AGFG2: variants seen among roughly 807,000 people sequenced by gnomAD.
AGFG2 encodes the protein arf-GAP domain and FG repeat-containing protein 2.
Under a neutral mutation model 48.0 loss-of-function variants are expected in AGFG2, and 31 were observed. The observed-to-expected ratio is 0.65, with a 90% CI of 0.49 to 0.87. The LOEUF is 0.87. AGFG2 is among the 40% of genes least tolerant of loss of function. The pLI is 0.00. For synonymous variants in AGFG2, 229 were observed against 260.8 expected, an observed-to-expected ratio of 0.88 and a Z score of 1.18; for missense variants, 599 against 632.6, an observed-to-expected ratio of 0.95 and a Z score of 0.57.
intron 3 of AGFG2, 141 bp from the exon 4 acceptor site, chr7:100,553,206 T>C (rs1800683946): frequency 1.8e-6 from 2 of 1,084,484 alleles, no homozygotes; most frequent in African/African-American, 1.6e-5. Context: ...CTTTGCTAAG[T>C]TGCTCGGTTC....
intron 6 of AGFG2, among the ~76,000 whole-genome samples, chr7:100,561,566 CT>C (rs1339755785): frequency 6.6e-6 from 1 of 152,260 alleles, no homozygotes; most frequent in Non-Finnish European, 1.5e-5. Flanking sequence ...GCCTCTTCCC[CT>C]GAGACAAGAT....
At chr7:100,540,947 G>A (rs1353192665) in intron 1 of AGFG2, among the ~76,000 whole-genome samples, 2 of 149,512 alleles carry the variant, frequency 1.3e-5, no homozygotes, top group African/African-American at 4.9e-5. Flanking sequence ...GGGAGGTGGA[G>A]GTTGCAGTGA....
intron 6 of AGFG2, 69 bp downstream of exon 6, chr7:100,555,804 A>G (rs936077038): frequency 2.5e-6 from 4 of 1,579,906 alleles, no homozygotes; most frequent in Non-Finnish European, 3.5e-6. Context: ...ATAAATCACC[A>G]TTCATATCCT....
At chr7:100,540,152 T>TGAC (rs973795104) in intron 1 of AGFG2, among the ~76,000 whole-genome samples, 1 of 150,772 alleles carries the variant, frequency 6.6e-6, no homozygotes, top group Non-Finnish European at 1.5e-5. Context: ...TAACCCCGAT[T>TGAC]GACAGCCTAG....
intron 6 of AGFG2, among the ~76,000 whole-genome samples, chr7:100,559,169 C>A (rs1800816180): frequency 6.6e-6 from 1 of 152,036 alleles, no homozygotes; most frequent in South Asian, 2.1e-4. Context: ...AAACCCAGAG[C>A]CAAGGAACAT....
At position 100,566,121 on chromosome 7, in the gene AGFG2, A is replaced by C. The variant is rs1011264076; in HGVS notation, c.*1130A>C. On this transcript the variant is annotated 3_prime_UTR_variant, in exon 12 of 12. Transcript: ENST00000300176. ...CAGTGATAATGCTGCCATTGGCCAG[A>C]GACAGGGCAGAGCCCGTCCCTGTCT... 1.3e-5 allele frequency: 2 copies of C among 152,354 alleles called. No individual in the cohort carries two copies. The highest frequency in any genetic ancestry group is 4.8e-5 in the African/African-American group (2 of 41,426). The allele number at this position is 152,354 out of a possible 1,614,324, so 9.4% of individuals were successfully genotyped here.
At chr7:100,559,088 T>G (rs1369901942) in intron 6 of AGFG2, among the ~76,000 whole-genome samples, 2 of 151,916 alleles carry the variant, frequency 1.3e-5, no homozygotes, top group Non-Finnish European at 2.9e-5. Context: ...GAGCTGAGAT[T>G]GCGCCACTGC....
rs1800896553 is a variant in AGFG2, at chr7:100,562,432, C to G, written c.998+53C>G. ...GTAGGGCAGGAGAGCCGCCCGAAGC[C>G]TGGCCATGTTCCTCCCAGCCCCATC... is the stretch of plus-strand genomic sequence containing the variant. On this transcript the variant is annotated intron_variant, in intron 7 of 11. Coordinates refer to ENST00000300176, the MANE Select transcript of AGFG2 (RefSeq NM_006076.5). The surrounding 1 kb of genome is among the most constrained non-coding windows in gnomAD (Gnocchi z 5.4). The G allele has an allele frequency of 6.2e-7, 1 of 1,606,746 alleles. No homozygotes were observed. The highest frequency in any genetic ancestry group is 1.3e-5 in the African/African-American group (1 of 74,920).
At chr7:100,540,634 G>GT (rs1224424257) in intron 1 of AGFG2, among the ~76,000 whole-genome samples, 19 of 152,108 alleles carry the variant, frequency 1.2e-4, no homozygotes, top group African/African-American at 4.6e-4. Context: ...CTGGATCTCT[G>GT]TTTTTTAATA....
At chr7:100,539,706 G>A in intron 1 of AGFG2, 139 bp downstream of exon 1, 1 of 653,606 alleles carries the variant, frequency 1.5e-6, no homozygotes, top group Non-Finnish European at 2.2e-6. Context: ...CCGGCTGTGG[G>A]GACGGGGTCG....
chr7:100,547,616 G>C (rs1163144541), intron 1 of AGFG2, among the ~76,000 whole-genome samples: 3 of 152,100 alleles, frequency 2.0e-5, no homozygotes, highest in Admixed American at 6.6e-5. Flanking sequence ...TCCTGTATTA[G>C]AACACTCCTG....
intron 3 of AGFG2, among the ~76,000 whole-genome samples, chr7:100,551,675 G>C (rs915470221): frequency 6.6e-6 from 1 of 150,582 alleles, no homozygotes; most frequent in African/African-American, 2.4e-5. Context: ...CTTGAGGTCA[G>C]GAGTTCGAGA....
intron 6 of AGFG2, among the ~76,000 whole-genome samples, chr7:100,561,466 ACAG>A (rs1263347084): frequency 2.0e-5 from 3 of 152,126 alleles, no homozygotes; most frequent in African/African-American, 7.2e-5. Context: ...TTTTACATTC[ACAG>A]CAGCCCAGTG....
chr7:100,552,913 C>G (rs1316424360), intron 3 of AGFG2, among the ~76,000 whole-genome samples: 1 of 152,148 alleles, frequency 6.6e-6, no homozygotes, highest in Non-Finnish European at 1.5e-5. Context: ...ACTTTGGAGG[C>G]TAAGGCAGGA....
chr7:100,542,875 G>T (rs530657686), intron 1 of AGFG2, among the ~76,000 whole-genome samples: 1 of 152,134 alleles, frequency 6.6e-6, no homozygotes. Flanking sequence ...CCTATCAAGC[G>T]CCAGACACTG....
At chr7:100,543,719 T>C (rs1313773817) in intron 1 of AGFG2, among the ~76,000 whole-genome samples, 1 of 152,214 alleles carries the variant, frequency 6.6e-6, no homozygotes, top group East Asian at 1.9e-4. Context: ...TTGTTCTCTC[T>C]TTTTTAATGA....
In AGFG2 at chr7:100,558,026, C is replaced by T. The variant is rs143748803; in HGVS notation, c.877+2291C>T. ...GTCAGGAGTTCAAGACCAGCCTTGC[C>T]GATATGGTGAAACCCTGTCTCTGCT... On this transcript the variant is annotated intron_variant, in intron 6 of 11. Transcript: ENST00000300176. Among the ~76,000 whole-genome samples, 439 of 151,976 alleles carry T rather than the reference C, an allele frequency of 2.9e-3. 5 individuals carry two copies. The highest frequency in any genetic ancestry group is 1.0e-2 in the African/African-American group (413 of 41,462).
At chr7:100,564,802 C>G in intron 11 of AGFG2, 130 bp from the exon 12 acceptor site, 1 of 1,050,716 alleles carries the variant, frequency 9.5e-7, no homozygotes, top group Non-Finnish European at 1.5e-6. Context: ...CCGTGCCTGG[C>G]CTTTTCTCCC....
intron 6 of AGFG2, among the ~76,000 whole-genome samples, chr7:100,561,584 G>C (rs1008307958): frequency 5.9e-5 from 9 of 152,228 alleles, no homozygotes; most frequent in Non-Finnish European, 1.0e-4. Flanking sequence ...AGATTGCTTG[G>C]AATTTCCAGG....
Sources: gnomAD v4.1 joint callset for allele counts (sites outside exome capture counted in the v4.1 genomes callset) on GRCh38, gnomAD v4.1.1 for gene constraint, Gnocchi (gnomAD v3.1) non-coding constraint, MANE v1.5 for transcripts, NCBI Gene and HGNC (gene_info 2026-07-23, HGNC 2026-07-21) for gene names.